ZFP91: variants seen among roughly 807,000 people sequenced by gnomAD.
The protein encoded by ZFP91 is ZFP91 zinc finger protein, atypical E3 ubiquitin ligase.
Under a neutral mutation model 63.5 loss-of-function variants are expected in ZFP91, and 7 were observed. The ratio of observed to expected loss-of-function variants is 0.11; its 90% CI spans 0.06 to 0.21. The LOEUF (loss-of-function observed/expected upper bound fraction) is 0.21, where lower values mean the gene tolerates loss of function less well. ZFP91 is among the 10% of genes least tolerant of loss of function. The pLI, the probability that ZFP91 is intolerant of heterozygous loss-of-function variation, is 1.00. For missense variants in ZFP91, 628 were observed against 736.6 expected, an observed-to-expected ratio of 0.85 and a Z score of 1.71; for synonymous variants, 330 against 272.1, an observed-to-expected ratio of 1.21 and a Z score of -2.10.
At chr11:58,610,366 C>A in intron 4 of ZFP91, 32 bp downstream of exon 4, 1 of 1,554,846 alleles carries the variant, frequency 6.4e-7, no homozygotes, top group Non-Finnish European at 8.7e-7. Context: ...CATTTTTAAA[C>A]CTTTGGGGAC....
rs1855842846 is a variant in ZFP91 at position 58,621,052 on chromosome 11, C to T, written c.*3346C>T. 6.6e-6 allele frequency: 1 copy of T among 152,638 alleles called. No homozygotes were observed. Among genetic ancestry groups the T allele is most frequent in the African/African-American group, 2.4e-5 (1 of 41,450 alleles). The allele number at this position is 152,638 out of a possible 1,614,324, so 9.5% of individuals were successfully genotyped here. A position where few individuals can be genotyped will look rare whatever the true frequency, so the allele number is the denominator to read the frequency against. ...AGTTGTCTTCATGGAAGCAACTTGT[C>T]TTCCTTGGTTGTACTGAGTTACAGT... On this transcript the variant is annotated 3_prime_UTR_variant, in exon 11 of 11. Transcript: ENST00000316059.
rs976399128 is a variant in ZFP91, at chr11:58,618,660, A to T, written c.*954A>T. 2.2e-6 allele frequency: 1 copy of T among 456,488 alleles called. No homozygotes were observed. Among genetic ancestry groups the T allele is most frequent in the Admixed American group, 2.4e-5 (1 of 42,518 alleles). The allele number at this position is 456,488 out of a possible 1,614,324, so 28.3% of individuals were successfully genotyped here. A position where few individuals can be genotyped will look rare whatever the true frequency, so the allele number is the denominator to read the frequency against. On this transcript the variant is annotated 3_prime_UTR_variant, in exon 11 of 11. Coordinates refer to ENST00000316059, the MANE Select transcript of ZFP91 (RefSeq NM_053023.5). ...ATTATTTTGACATGGGATCCCTTCC[A>T]TAACAGGTACTTTGAAGGCAAGACA...
chr11:58,600,977 C>A (rs535144051), intron 2 of ZFP91, among the ~76,000 whole-genome samples: 9 of 152,048 alleles, frequency 5.9e-5, no homozygotes, highest in African/African-American at 2.2e-4. Context: ...ATCGAACCAC[C>A]CTCATAATCC....
intron 2 of ZFP91, among the ~76,000 whole-genome samples, chr11:58,603,657 A>G (rs1855526307): frequency 6.6e-6 from 1 of 152,226 alleles, no homozygotes. Flanking sequence ...TCCTGGGTGT[A>G]TTAGACTTCC....
chr11:58,583,490 G>T (rs1439320638), intron 1 of ZFP91, among the ~76,000 whole-genome samples: 2 of 151,892 alleles, frequency 1.3e-5, no homozygotes, highest in Admixed American at 1.3e-4. Flanking sequence ...AGGATGAAGA[G>T]GTGGTAATAT....
intron 1 of ZFP91, among the ~76,000 whole-genome samples, chr11:58,584,603 TATTTAA>T (rs987474886): frequency 6.6e-5 from 10 of 152,302 alleles, no homozygotes; most frequent in African/African-American, 2.4e-4. Flanking sequence ...CACATGTGGC[TATTTAA>T]ATTTACATTA....
At chr11:58,607,154 T>C (rs773926395) in intron 2 of ZFP91, among the ~76,000 whole-genome samples, 4 of 151,976 alleles carry the variant, frequency 2.6e-5, no homozygotes, top group Non-Finnish European at 5.9e-5. Context: ...ATGGAGTGAG[T>C]TCAAAGTCCA....
At chr11:58,604,924 T>C (rs1010337058) in intron 2 of ZFP91, among the ~76,000 whole-genome samples, 1 of 152,236 alleles carries the variant, frequency 6.6e-6, no homozygotes, top group African/African-American at 2.4e-5. Flanking sequence ...TATGTACCTT[T>C]TAATTCCACA....
intron 2 of ZFP91, among the ~76,000 whole-genome samples, chr11:58,585,446 G>A (rs905613788): frequency 6.6e-6 from 1 of 152,122 alleles, no homozygotes; most frequent in African/African-American, 2.4e-5. Flanking sequence ...TATTAAAATT[G>A]CCCTAACGTG....
intron 2 of ZFP91, among the ~76,000 whole-genome samples, chr11:58,588,906 C>T (rs1385070422): frequency 6.6e-6 from 1 of 152,108 alleles, no homozygotes. Context: ...ATTGTCTTCA[C>T]AATTCTTTCT....
At position 58,596,504 on chromosome 11, in the gene ZFP91, A is replaced by T. The variant is rs573092378; in HGVS notation, c.370+11620A>T. Among the ~76,000 whole-genome samples, 487 of 152,302 alleles carry T rather than the reference A, an allele frequency of 3.2e-3. 2 individuals are homozygous for T. The highest frequency in any genetic ancestry group is 0.011 in the African/African-American group (470 of 41,566). On this transcript the variant is annotated intron_variant, in intron 2 of 10. Transcript: ENST00000316059. ...GAATAATTGGAACCTTTCTGCCAGA[A>T]TTTCTAAGTTTTTAATGTTAGTTTG...
chr11:58,601,061 G>C (rs1254091016), intron 2 of ZFP91, among the ~76,000 whole-genome samples: 1 of 152,090 alleles, frequency 6.6e-6, no homozygotes, highest in Non-Finnish European at 1.5e-5. Context: ...AAGGGATATT[G>C]GCTTATGGTT....
intron 2 of ZFP91, among the ~76,000 whole-genome samples, chr11:58,587,345 C>T (rs1001557957): frequency 3.9e-5 from 6 of 152,100 alleles, no homozygotes; most frequent in Non-Finnish European, 8.8e-5. Context: ...GAAGTCAAAA[C>T]AGTGTAATAA....
chr11:58,602,939 G>T (rs201543069), intron 2 of ZFP91, among the ~76,000 whole-genome samples: 1 of 151,930 alleles, frequency 6.6e-6, no homozygotes, highest in Non-Finnish European at 1.5e-5. Context: ...AGATTGCGCC[G>T]TTGCACTCCA....
At chr11:58,607,332 T>C (rs1430805316) in intron 2 of ZFP91, among the ~76,000 whole-genome samples, 3 of 152,226 alleles carry the variant, frequency 2.0e-5, no homozygotes, top group Admixed American at 6.5e-5. Flanking sequence ...TTTCTAAATC[T>C]AGGTGTCCTT....
intron 9 of ZFP91, 38 bp downstream of exon 9, chr11:58,614,381 C>T: frequency 6.9e-7 from 1 of 1,456,456 alleles, no homozygotes; most frequent in Non-Finnish European, 9.5e-7. Flanking sequence ...GGTAATTGCA[C>T]TGTGCTTTAG....
intron 2 of ZFP91, among the ~76,000 whole-genome samples, chr11:58,586,696 G>T (rs1412328629): frequency 6.6e-6 from 1 of 152,174 alleles, no homozygotes; most frequent in East Asian, 1.9e-4. Flanking sequence ...GGCTCGGGTA[G>T]TCACTTTTTC....
chr11:58,590,485 ACT>A (rs1855285830), intron 2 of ZFP91, among the ~76,000 whole-genome samples: 2 of 152,168 alleles, frequency 1.3e-5, no homozygotes, highest in African/African-American at 4.8e-5. Context: ...GAAGGCAGTA[ACT>A]GCAAGGTGTC....
At chr11:58,586,744 TTTC>T (rs1855217226) in intron 2 of ZFP91, among the ~76,000 whole-genome samples, 1 of 152,316 alleles carries the variant, frequency 6.6e-6, no homozygotes, top group African/African-American at 2.4e-5. Flanking sequence ...CTTAATTACT[TTTC>T]TTCTGGTCAT....
Sources: gnomAD v4.1 joint callset for allele counts (sites outside exome capture counted in the v4.1 genomes callset) on GRCh38, gnomAD v4.1.1 for gene constraint, MANE v1.5 for transcripts, NCBI Gene and HGNC (gene_info 2026-07-23, HGNC 2026-07-21) for gene names.